DLG2: variants seen among roughly 807,000 people sequenced by gnomAD.
The protein encoded by DLG2 is discs large MAGUK scaffold protein 2.
A neutral mutation model predicts 132.5 loss-of-function variants in DLG2; 45 were observed. That is an observed-to-expected ratio of 0.34 (90% CI 0.27 to 0.44). The LOEUF (loss-of-function observed/expected upper bound fraction) is 0.44. Ranked by LOEUF, DLG2 falls within the 20% of genes least tolerant of loss-of-function variation. The pLI is 1.00. For synonymous variants in DLG2, 424 were observed against 419.6 expected (o/e 1.01, Z -0.13); for missense variants, 1,045 against 1,196.9 (o/e 0.87, Z 1.87).
At chr11:84,119,402 T>C (rs1164690104) in intron 9 of DLG2, among the ~76,000 whole-genome samples, 1 of 151,718 alleles carries the variant, frequency 6.6e-6, no homozygotes, top group Admixed American at 6.6e-5. Context: ...CAGATGAGCG[T>C]TTTAGTTCAT....
intron 3 of DLG2, among the ~76,000 whole-genome samples, chr11:85,432,546 G>C (rs2091251644): frequency 6.6e-6 from 1 of 151,790 alleles, no homozygotes; most frequent in Non-Finnish European, 1.5e-5. Flanking sequence ...AAATACACAA[G>C]TATCAGTAGC....
intron 7 of DLG2, among the ~76,000 whole-genome samples, chr11:84,332,508 CTTTTT>C (rs34149557): frequency 1.3e-5 from 1 of 78,316 alleles, no homozygotes; most frequent in East Asian, 4.3e-4. Flanking sequence ...CCGCGCCTGG[CTTTTT>C]TTTTTTTTTT....
At chr11:85,599,724 G>A (rs915801188) in intron 2 of DLG2, among the ~76,000 whole-genome samples, 5 of 152,126 alleles carry the variant, frequency 3.3e-5, no homozygotes, top group African/African-American at 1.2e-4. Context: ...AGCCATCTCT[G>A]ATGGTTAAAA....
intron 3 of DLG2, among the ~76,000 whole-genome samples, chr11:85,362,378 G>T (rs2084226097): frequency 1.3e-5 from 2 of 152,112 alleles, no homozygotes; most frequent in Non-Finnish European, 2.9e-5. Context: ...GGTAGCTATT[G>T]TTAATGAGAT....
chr11:85,625,812 A>G (rs1334223502), intron 2 of DLG2, among the ~76,000 whole-genome samples: 1 of 152,200 alleles, frequency 6.6e-6, no homozygotes, highest in Non-Finnish European at 1.5e-5. Flanking sequence ...TAATGTCAAA[A>G]CAAAACAAAA....
At chr11:85,425,808 C>A (rs1480902278) in intron 3 of DLG2, among the ~76,000 whole-genome samples, 1 of 152,134 alleles carries the variant, frequency 6.6e-6, no homozygotes, top group East Asian at 1.9e-4. Context: ...GTGGGTGCAG[C>A]ACACCAAGCA....
chr11:85,464,606 T>C (rs904098203), intron 3 of DLG2, among the ~76,000 whole-genome samples: 1 of 152,082 alleles, frequency 6.6e-6, no homozygotes, highest in African/African-American at 2.4e-5. Flanking sequence ...ATAGGAACAA[T>C]TGGAATAGTC....
chr11:84,907,990 T>C (rs1048871395), intron 6 of DLG2, among the ~76,000 whole-genome samples: 1 of 152,174 alleles, frequency 6.6e-6, no homozygotes, highest in Non-Finnish European at 1.5e-5. Flanking sequence ...TTACCCATCC[T>C]ATCTGTCTTT....
intron 6 of DLG2, among the ~76,000 whole-genome samples, chr11:84,693,542 T>A (rs759974309): frequency 6.6e-6 from 1 of 151,652 alleles, no homozygotes; most frequent in African/African-American, 2.4e-5. Context: ...TAACAGCATA[T>A]CCACGTTCCA....
At chr11:85,531,348 G>T (rs1172562188) in intron 3 of DLG2, among the ~76,000 whole-genome samples, 1 of 152,178 alleles carries the variant, frequency 6.6e-6, no homozygotes, top group Non-Finnish European at 1.5e-5. Context: ...GCCAAACAGG[G>T]TGATTTAAGA....
intron 7 of DLG2, among the ~76,000 whole-genome samples, chr11:84,252,417 G>A (rs2097397800): frequency 6.6e-6 from 1 of 151,996 alleles, no homozygotes; most frequent in East Asian, 1.9e-4. Flanking sequence ...CAATACAGGC[G>A]TGAACAAGCA....
At chr11:85,584,570 T>C (rs1346792540) in intron 3 of DLG2, among the ~76,000 whole-genome samples, 1 of 152,204 alleles carries the variant, frequency 6.6e-6, no homozygotes, top group East Asian at 1.9e-4. Flanking sequence ...TTTAGTTCTT[T>C]AAGAAATCTT....
intron 21 of DLG2, among the ~76,000 whole-genome samples, chr11:83,501,113 A>T (rs866433735): frequency 3.9e-5 from 6 of 152,146 alleles, no homozygotes; most frequent in South Asian, 2.1e-4. Context: ...TTAAATTCCC[A>T]TATGTTAGAT....
chr11:84,004,245 A>G (rs994082888), intron 11 of DLG2, among the ~76,000 whole-genome samples: 50 of 152,146 alleles, frequency 3.3e-4, no homozygotes, highest in Admixed American at 2.6e-3. Flanking sequence ...ACCATTACAA[A>G]ATGGGATTTA....
In DLG2 at chr11:85,353,569, C is replaced by T. The variant is rs920013055; in HGVS notation, c.41-68204G>A. Among the ~76,000 whole-genome samples, 5 of 152,152 alleles carry T rather than the reference C, an allele frequency of 3.3e-5. 1 individual carries two copies. Among genetic ancestry groups the T allele is most frequent in the Non-Finnish European group, 7.3e-5 (5 of 68,034 alleles). On this transcript the variant is annotated intron_variant, in intron 3 of 27. Coordinates refer to ENST00000376104, the MANE Select transcript of DLG2 (RefSeq NM_001142699.3). Reference sequence around the variant, plus strand: ...TTTATTGCAGCACTATTCACAATAGCAAAGACTTGGAACCAACCCAAATGT... The same window carrying T: ...TTTATTGCAGCACTATTCACAATAGTAAAGACTTGGAACCAACCCAAATGT...
intron 21 of DLG2, among the ~76,000 whole-genome samples, chr11:83,507,286 C>T (rs1210813714): frequency 1.3e-5 from 2 of 151,592 alleles, no homozygotes; most frequent in East Asian, 1.9e-4. Flanking sequence ...AAGCCAATTC[C>T]AAAAACCCCC....
chr11:83,624,142 T>G (rs2062094432), intron 19 of DLG2, among the ~76,000 whole-genome samples: 1 of 152,158 alleles, frequency 6.6e-6, no homozygotes, highest in Non-Finnish European at 1.5e-5. Context: ...GAGTGTGAGG[T>G]AGAGGTCTGT....
rs1223217375 is a variant in DLG2, at chr11:84,385,471, T to G, written c.520-134180A>C. On this transcript the variant is annotated intron_variant, in intron 7 of 27. Transcript: ENST00000376104. ...AGCTCATGATCTCTTTGATAGTATTTGAATTGAAACATACTACAAGGTTAT... is the reference window on the plus strand; with the variant it reads ...AGCTCATGATCTCTTTGATAGTATTGGAATTGAAACATACTACAAGGTTAT... Among the ~76,000 whole-genome samples the G allele has an allele frequency of 3.3e-5, 5 of 152,152 alleles. 1 individual carries two copies. Among genetic ancestry groups the G allele is most frequent in the Admixed American group, 2.0e-4 (3 of 15,264 alleles).
chr11:83,842,599 C>T (rs556308994), intron 16 of DLG2, among the ~76,000 whole-genome samples: 46 of 147,980 alleles, frequency 3.1e-4, no homozygotes, highest in African/African-American at 1.1e-3. Flanking sequence ...GAGGCCGAGG[C>T]GGGTGGATCA....
Sources: allele counts gnomAD v4.1 joint callset (sites outside exome capture counted in the v4.1 genomes callset), GRCh38; gene constraint gnomAD v4.1.1; transcripts MANE v1.5; gene names NCBI Gene and HGNC (gene_info 2026-07-23, HGNC 2026-07-21).